FANCB: variants seen among roughly 807,000 people sequenced by gnomAD.
FANCB encodes the protein FA complementation group B, also known as Fanconi anemia group B protein.
A neutral mutation model predicts 38.9 loss-of-function variants in FANCB; 5 were observed. The ratio of observed to expected loss-of-function variants is 0.13; its 90% CI spans 0.07 to 0.27. FANCB has a LOEUF of 0.27. Ranked by LOEUF, FANCB falls within the 10% of genes least tolerant of loss-of-function variation. The probability of loss-of-function intolerance (pLI) is 1.00; values close to 1 mark genes in which losing one functional copy is unlikely to be tolerated. For synonymous variants in FANCB, 236 were observed against 215.4 expected, an observed-to-expected ratio of 1.10 and a Z score of -0.84; for missense variants, 573 against 602.7, an observed-to-expected ratio of 0.95 and a Z score of 0.52.
the FANCB span, among the ~76,000 whole-genome samples, chrX:14,812,217 G>T: frequency 1.8e-4 from 20 of 110,969 alleles, no homozygotes; most frequent in Non-Finnish European, 3.4e-4. Context: ...AAGCAGGAAA[G>T]ATCCAAAATT....
At chrX:14,868,122 A>C (rs1237145529) in intron 2 of FANCB, among the ~76,000 whole-genome samples, 1 of 111,941 alleles carries the variant, frequency 8.9e-6, no homozygotes, top group Non-Finnish European at 1.9e-5. Context: ...AAGGTAAATT[A>C]GTATAGCCAC....
the FANCB span, among the ~76,000 whole-genome samples, chrX:14,722,429 A>C: frequency 9.0e-6 from 1 of 111,382 alleles, no homozygotes; most frequent in South Asian, 3.8e-4. Flanking sequence ...TTGGAGCTTC[A>C]TCACTTTTTA....
At chrX:14,707,773 T>TGTGC in the FANCB span, among the ~76,000 whole-genome samples, 3 of 110,145 alleles carry the variant, frequency 2.7e-5, no homozygotes, top group African/African-American at 1.0e-4. Flanking sequence ...TGTGTGTGTG[T>TGTGC]GCACGCGCGC....
chrX:14,792,487 A>C, the FANCB span, among the ~76,000 whole-genome samples: 1 of 111,052 alleles, frequency 9.0e-6, no homozygotes, highest in Admixed American at 9.7e-5. Flanking sequence ...GTGTTTCAAA[A>C]TCAATGCACC....
Position 14,843,426 on chromosome X carries a change from T to G in FANCB, c.*141A>C. 9.0e-6 allele frequency: 4 copies of G among 445,217 alleles called. No homozygotes were observed. In the South Asian group the frequency reaches 1.6e-4, roughly 17 times the overall value. The allele number at this position is 445,217 out of a possible 1,213,427, so 36.7% of individuals were successfully genotyped here. A position where few individuals can be genotyped will look rare whatever the true frequency, so the allele number is the denominator to read the frequency against. ...CTAGTTGAGAACCACTGCTGTTTAT[T>G]TTGTGCATCATCAAAACTAAAGTTT... On this transcript the variant is annotated 3_prime_UTR_variant, in exon 10 of 10. Transcript: ENST00000650831.
chrX:14,707,205 A>C, the FANCB span, among the ~76,000 whole-genome samples: 1 of 111,614 alleles, frequency 9.0e-6, no homozygotes, highest in Admixed American at 9.5e-5. Context: ...ATGAGAGAGA[A>C]GCATGACATA....
the FANCB span, among the ~76,000 whole-genome samples, chrX:14,821,646 C>T: frequency 9.0e-6 from 1 of 111,392 alleles, no homozygotes; most frequent in African/African-American, 3.3e-5. Context: ...TTTTAGTCTG[C>T]TACAAATTCA....
At chrX:14,703,631 T>C in the FANCB span, among the ~76,000 whole-genome samples, 1 of 111,763 alleles carries the variant, frequency 8.9e-6, no homozygotes, top group Non-Finnish European at 1.9e-5. Flanking sequence ...AGCAATGGTT[T>C]CCACTGCAAC....
downstream of FANCB, among the ~76,000 whole-genome samples, chrX:14,831,975 C>G (rs930791464): frequency 2.7e-5 from 3 of 111,840 alleles, no homozygotes; most frequent in African/African-American, 6.5e-5. Flanking sequence ...ATCATGTTTA[C>G]AGTCCCCTGG....
the FANCB span, among the ~76,000 whole-genome samples, chrX:14,751,253 G>A: frequency 8.9e-6 from 1 of 112,437 alleles, no homozygotes; most frequent in African/African-American, 3.2e-5. Context: ...TGCTCACCAA[G>A]TGTACAATGG....
intron 2 of FANCB, among the ~76,000 whole-genome samples, chrX:14,865,969 T>C (rs1196319152): frequency 8.9e-6 from 1 of 111,805 alleles, no homozygotes; most frequent in Non-Finnish European, 1.9e-5. Flanking sequence ...TTAGCCCCTT[T>C]AGAATGACAA....
At chrX:14,730,824 C>T in the FANCB span, 8 of 182,789 alleles carry the variant, frequency 4.4e-5, no homozygotes, top group Non-Finnish European at 8.0e-5. Context: ...TTCTTAAGGG[C>T]TGTTTGCCTT....
At chrX:14,698,164 T>C in the FANCB span, among the ~76,000 whole-genome samples, 2 of 111,604 alleles carry the variant, frequency 1.8e-5, no homozygotes, top group African/African-American at 6.5e-5. Flanking sequence ...TTTTATTTAA[T>C]GTTTTGTTCA....
chrX:14,699,802 A>G, the FANCB span, among the ~76,000 whole-genome samples: 3 of 111,846 alleles, frequency 2.7e-5, no homozygotes, highest in East Asian at 5.6e-4. Context: ...TAGATTCCAC[A>G]TATGAGTGAG....
At chrX:14,789,122 T>C in the FANCB span, among the ~76,000 whole-genome samples, 4 of 111,600 alleles carry the variant, frequency 3.6e-5, no homozygotes, top group African/African-American at 9.8e-5. Flanking sequence ...CCCATCTTAC[T>C]GATGTAAAAC....
the FANCB span, among the ~76,000 whole-genome samples, chrX:14,830,172 A>T: frequency 9.5e-3 from 1,062 of 112,090 alleles, 18 homozygotes; most frequent in African/African-American, 0.033. Flanking sequence ...TAAGTTTGCC[A>T]TCTTATATGG....
At chrX:14,704,215 A>G in the FANCB span, among the ~76,000 whole-genome samples, 4 of 112,552 alleles carry the variant, frequency 3.6e-5, no homozygotes, top group Non-Finnish European at 7.5e-5. Context: ...CTTCTAAAAT[A>G]GGTTTCATAA....
At chrX:14,748,743 A>C in the FANCB span, among the ~76,000 whole-genome samples, 1 of 112,172 alleles carries the variant, frequency 8.9e-6, no homozygotes, top group African/African-American at 3.2e-5. Context: ...GAGCATCACT[A>C]TCCGGAAAGG....
downstream of FANCB, among the ~76,000 whole-genome samples, chrX:14,842,543 T>C (rs1235538152): frequency 8.9e-6 from 1 of 112,134 alleles, no homozygotes; most frequent in Non-Finnish European, 1.9e-5. Flanking sequence ...GTTCTCTTAT[T>C]AATCCAGCAT....
Sources: allele counts gnomAD v4.1 joint callset (sites outside exome capture counted in the v4.1 genomes callset), GRCh38; gene constraint gnomAD v4.1.1; transcripts MANE v1.5; gene names NCBI Gene and HGNC (gene_info 2026-07-23, HGNC 2026-07-21).